Variants in ULK4 observed in about 807,000 individuals in gnomAD.
ULK4 encodes the protein inactive serine/threonine-protein kinase ULK4.
A neutral mutation model predicts 160.6 loss-of-function variants in ULK4; 133 were observed. That is an observed-to-expected ratio of 0.83 (90% CI 0.72 to 0.96). ULK4 has a LOEUF of 0.96. Ranked by LOEUF, ULK4 falls within the 40% of genes least tolerant of loss-of-function variation. The pLI is 0.00. For synonymous variants in ULK4, 534 were observed against 539.8 expected, an observed-to-expected ratio of 0.99 and a Z score of 0.15; for missense variants, 1,580 against 1,499.5, an observed-to-expected ratio of 1.05 and a Z score of -0.89.
intron 31 of ULK4, among the ~76,000 whole-genome samples, chr3:41,579,516 C>T (rs1237482063): frequency 2.8e-5 from 3 of 106,348 alleles, no homozygotes; most frequent in East Asian, 6.7e-4. Flanking sequence ...TTTTTTGAGA[C>T]GGAGTTTCGC....
chr3:41,543,578 T>G (rs944666446), intron 32 of ULK4, among the ~76,000 whole-genome samples: 7 of 152,318 alleles, frequency 4.6e-5, no homozygotes, highest in African/African-American at 1.7e-4. Flanking sequence ...GTGGGATGTT[T>G]TTAATTACTA....
intron 19 of ULK4, among the ~76,000 whole-genome samples, chr3:41,817,322 T>A (rs972292104): frequency 1.2e-4 from 18 of 152,222 alleles, no homozygotes; most frequent in African/African-American, 4.3e-4. Context: ...ATTTTCTGTA[T>A]TCATTCATCC....
intron 35 of ULK4, among the ~76,000 whole-genome samples, chr3:41,316,117 G>A (rs2125725071): frequency 6.6e-6 from 1 of 152,272 alleles, no homozygotes; most frequent in East Asian, 1.9e-4. Flanking sequence ...ATTAATAATA[G>A]CAAAAGGGGG....
chr3:41,525,306 C>T (rs1288675403), intron 32 of ULK4, among the ~76,000 whole-genome samples: 5 of 152,140 alleles, frequency 3.3e-5, no homozygotes, highest in African/African-American at 1.2e-4. Flanking sequence ...TTACCCGTTC[C>T]TAAAGAGTCT....
intron 31 of ULK4, among the ~76,000 whole-genome samples, chr3:41,610,172 C>T (rs1054567993): frequency 1.3e-4 from 19 of 151,684 alleles, no homozygotes; most frequent in African/African-American, 3.1e-4. Context: ...CACACCACCA[C>T]GCCTGGCTAA....
chr3:41,320,787 C>T (rs867524078), intron 35 of ULK4, among the ~76,000 whole-genome samples: 2 of 152,120 alleles, frequency 1.3e-5, no homozygotes, highest in South Asian at 2.1e-4. Flanking sequence ...CATGGTGGTG[C>T]GCACCTGTAA....
At chr3:41,559,268 G>C (rs965057453) in intron 32 of ULK4, among the ~76,000 whole-genome samples, 3 of 118,868 alleles carry the variant, frequency 2.5e-5, no homozygotes, top group East Asian at 4.6e-4. Context: ...TCTTAATCCA[G>C]TCTATCATTG....
At chr3:41,601,722 T>TTAA (rs1293992002) in intron 31 of ULK4, among the ~76,000 whole-genome samples, 57 of 152,208 alleles carry the variant, frequency 3.7e-4, no homozygotes, top group African/African-American at 1.4e-3. Context: ...AAGAACACAC[T>TTAA]TGAATTAAGA....
Position 41,706,898 on chromosome 3 carries a change from T to TAGAGAGAG in ULK4, c.2635-1594_2635-1593insCTCTCTCT, listed in dbSNP as rs1308593092. 5.7e-3 allele frequency among the ~76,000 whole-genome samples: 729 copies of TAGAGAGAG among 126,828 alleles called. 11 individuals carry two copies. The highest frequency in any genetic ancestry group is 0.029 in the African/African-American group (689 of 23,582). 83.2% of individuals were successfully genotyped at this position (126,828 alleles called of 152,430 possible). ...GTGTGTGTGTGTGTGTGTATATATA[T>TAGAGAGAG]ATAGAGAGAGAGAGAGAATAGAATC... On this transcript the variant is annotated intron_variant, in intron 25 of 36. Coordinates refer to ENST00000301831, the MANE Select transcript of ULK4 (RefSeq NM_017886.4).
At position 41,819,833 on chromosome 3, in the gene ULK4, T is replaced by C. The variant is rs150626944; in HGVS notation, c.1765-327A>G. ...TCAATCTAATGATAATTGTAGATGA[T>C]AATACAGATACAACTATCTGAAAAG... On this transcript the variant is annotated intron_variant, in intron 18 of 36. Transcript: ENST00000301831. Among the ~76,000 whole-genome samples the C allele has an allele frequency of 3.1e-3, 474 of 152,316 alleles. 1 individual carries two copies. The highest frequency in any genetic ancestry group is 0.011 in the African/African-American group (450 of 41,572).
At chr3:41,300,850 T>C (rs1171215989) in intron 35 of ULK4, among the ~76,000 whole-genome samples, 33 of 74,578 alleles carry the variant, frequency 4.4e-4, no homozygotes, top group African/African-American at 2.2e-3. Context: ...TATATATATA[T>C]ATATATATAT....
chr3:41,659,838 A>G (rs1300617945), intron 30 of ULK4, among the ~76,000 whole-genome samples: 2 of 152,212 alleles, frequency 1.3e-5, no homozygotes, highest in Non-Finnish European at 2.9e-5. Context: ...AGACACTAGA[A>G]AAGTTATAAT....
intron 32 of ULK4, among the ~76,000 whole-genome samples, chr3:41,555,398 C>A (rs1201184701): frequency 6.6e-6 from 1 of 151,154 alleles, no homozygotes; most frequent in Non-Finnish European, 1.5e-5. Context: ...GGAAGACATA[C>A]ATGAAACCAA....
intron 25 of ULK4, among the ~76,000 whole-genome samples, chr3:41,709,419 G>C (rs376686507): frequency 1.3e-5 from 2 of 152,074 alleles, no homozygotes; most frequent in Non-Finnish European, 2.9e-5. Context: ...ACAGAGTCTC[G>C]CTCTGTCACC....
chr3:41,288,066 CGAT>C (rs2079495860), intron 35 of ULK4, among the ~76,000 whole-genome samples: 1 of 152,006 alleles, frequency 6.6e-6, no homozygotes, highest in Non-Finnish European at 1.5e-5. Context: ...AAAGAGAACA[CGAT>C]GATTTCTTTG....
intron 21 of ULK4, among the ~76,000 whole-genome samples, chr3:41,773,262 G>A (rs1478878553): frequency 6.6e-6 from 1 of 152,180 alleles, no homozygotes; most frequent in Admixed American, 6.6e-5. Flanking sequence ...ATTCAATTAG[G>A]AAAAGAGGAA....
chr3:41,935,672 TA>T (rs1294992086), intron 4 of ULK4, 128 bp downstream of exon 4: 1 of 1,188,846 alleles, frequency 8.4e-7, no homozygotes, highest in Non-Finnish European at 1.1e-6. Context: ...CCTTTTATTT[TA>T]AAAAAAGATT....
chr3:41,930,890 G>A (rs1699569916), intron 5 of ULK4, among the ~76,000 whole-genome samples: 1 of 152,174 alleles, frequency 6.6e-6, no homozygotes, highest in African/African-American at 2.4e-5. Flanking sequence ...GACTGTTGGT[G>A]GGAATGTAGA....
intron 2 of ULK4, among the ~76,000 whole-genome samples, chr3:41,938,531 A>G (rs1699853981): frequency 6.6e-6 from 1 of 152,050 alleles, no homozygotes; most frequent in South Asian, 2.1e-4. Context: ...AAAATATAAA[A>G]ATTAGCGGGG....
Sources: gnomAD v4.1 joint callset for allele counts (sites outside exome capture counted in the v4.1 genomes callset) on GRCh38, gnomAD v4.1.1 for gene constraint, MANE v1.5 for transcripts, NCBI Gene and HGNC (gene_info 2026-07-23, HGNC 2026-07-21) for gene names.